Variants in BFSP1 observed in about 807,000 individuals in gnomAD.
BFSP1 encodes the protein filensin.
A neutral mutation model predicts 43.9 loss-of-function variants in BFSP1; 38 were observed. The observed-to-expected ratio is 0.87, with a 90% CI of 0.67 to 1.14. The LOEUF is 1.14. Ranked by LOEUF, BFSP1 falls within the 50% of genes most tolerant of loss-of-function variation. BFSP1 has a pLI of 0.00. For missense variants in BFSP1, 850 were observed against 875.1 expected, an observed-to-expected ratio of 0.97 and a Z score of 0.36; for synonymous variants, 352 against 354.8, an observed-to-expected ratio of 0.99 and a Z score of 0.09.
chr20:17,508,946 C>T lies in BFSP1; in HGVS notation c.678G>A (p.Glu226=), dbSNP rs2034009282. ...REVAALRSQL[E]EGREVLSHLQ... ...GGTGGGAGAGCACCTCCCGGCCCTC[C>T]TCCAGCTGACTCCGCAGGGCGGCCA... Residue 226 remains glutamate (E), a synonymous_variant, in exon 5 of 8, where the codon GAG becomes GAA. Transcript: ENST00000377873. 4 of 1,604,776 alleles carry T rather than the reference C, an allele frequency of 2.5e-6. No homozygotes were observed. The highest frequency in any genetic ancestry group is 1.7e-5 in the Admixed American group (1 of 58,760).
intron 5 of BFSP1, among the ~76,000 whole-genome samples, chr20:17,504,943 TA>T (rs35319868): frequency 0.16 from 22,799 of 139,224 alleles, 2,483 homozygotes; most frequent in African/African-American, 0.33. Context: ...TGTTTTGTCT[TA>T]AAAAAAAAAA....
In BFSP1 at chr20:17,499,006, T is replaced by A; in HGVS notation, c.770A>T (p.His257Leu). ...TTLEQAIKSA[H>L]ECYDDEIQLY... ...CTGAATCTCATCGTCATAACACTCA[T>A]GGGCACTTTTAATAGCTTGTTCCAG... The change falls in exon 6 of 8, where the codon CAT becomes CTT. Residue 257 changes from histidine to leucine, a missense_variant. His to Leu is a moderately conservative substitution (Grantham distance 99, BLOSUM62 -3). Transcript: ENST00000377873. 6.2e-7 allele frequency: 1 copy of A among 1,614,176 alleles called. No individual in the cohort carries two copies. The highest frequency in any genetic ancestry group is 1.1e-5 in the South Asian group (1 of 91,080).
At chr20:17,504,993 C>T (rs73253996) in intron 5 of BFSP1, among the ~76,000 whole-genome samples, 6,536 of 150,564 alleles carry the variant, frequency 0.043, 482 homozygotes, top group African/African-American at 0.15. Context: ...ACAAACTAAA[C>T]CACTAGATGG....
chr20:17,497,031 A>C lies in BFSP1; in HGVS notation c.957-8T>G. 4.6e-6 allele frequency: 7 copies of C among 1,522,334 alleles called. No homozygotes were observed. Among genetic ancestry groups the C allele is most frequent in the Non-Finnish European group, 5.3e-6 (6 of 1,134,282 alleles). The allele number at this position is 1,522,334 out of a possible 1,614,324, so 94.3% of individuals were successfully genotyped here. On this transcript the variant is annotated splice_region_variant and splice_polypyrimidine_tract_variant and intron_variant, in intron 6 of 7. Coordinates refer to ENST00000377873, the MANE Select transcript of BFSP1 (RefSeq NM_001195.5). ...ATGAAGGCAGAGGTCAGCCTGGCAG[A>C]AAGAACCAGAAAGAACAAGCCAAAC...
intron 6 of BFSP1, among the ~76,000 whole-genome samples, chr20:17,497,575 TATATAC>T (rs76631434): frequency 0.45 from 41,655 of 92,056 alleles, 6,276 homozygotes; most frequent in Middle Eastern, 0.5. Context: ...TGTATATGTA[TATATAC>T]GTATATATAT....
At position 17,521,324 on chromosome 20, in the gene BFSP1, C is replaced by T. The variant is rs184302715; in HGVS notation, c.438+3524G>A. ...AAACTACAGGAGCTCTTTCCGTAGG[C>T]TTGATTACACGGGCAGCATGAAGAA... On this transcript the variant is annotated intron_variant, in intron 2 of 7. Coordinates refer to ENST00000377873, the MANE Select transcript of BFSP1 (RefSeq NM_001195.5). 7.5e-3 allele frequency among the ~76,000 whole-genome samples: 1,149 copies of T among 152,318 alleles called. 7 individuals are homozygous for T. Among genetic ancestry groups the T allele is most frequent in the South Asian group, 0.015 (73 of 4,824 alleles).
intron 5 of BFSP1, among the ~76,000 whole-genome samples, chr20:17,499,992 T>C (rs2033757081): frequency 6.6e-6 from 1 of 151,868 alleles, no homozygotes; most frequent in South Asian, 2.1e-4. Flanking sequence ...TTCTTCAGAC[T>C]TTAATGAACA....
intron 1 of BFSP1, among the ~76,000 whole-genome samples, chr20:17,542,163 G>C (rs2034728296): frequency 2.0e-5 from 3 of 152,088 alleles, no homozygotes; most frequent in African/African-American, 7.2e-5. Flanking sequence ...TAGATCATGA[G>C]AGCCAATTGC....
At chr20:17,495,819 T>A (rs1377701580) in intron 7 of BFSP1, among the ~76,000 whole-genome samples, 1 of 152,160 alleles carries the variant, frequency 6.6e-6, no homozygotes, top group Non-Finnish European at 1.5e-5. Context: ...AGCCCAAAAG[T>A]CATCCCCTGC....
At chr20:17,543,738 A>G (rs1224700384) in intron 1 of BFSP1, among the ~76,000 whole-genome samples, 2 of 152,030 alleles carry the variant, frequency 1.3e-5, no homozygotes, top group Admixed American at 1.3e-4. Context: ...CAGTGAAGAT[A>G]TGCGAAGCAA....
At chr20:17,516,327 CA>C (rs544511814) in intron 2 of BFSP1, among the ~76,000 whole-genome samples, 2 of 151,734 alleles carry the variant, frequency 1.3e-5, no homozygotes, top group Admixed American at 6.6e-5. Flanking sequence ...AACTCCATCT[CA>C]AAAAAAATTA....
intron 6 of BFSP1, among the ~76,000 whole-genome samples, chr20:17,497,566 GT>G (rs1568679566): frequency 8.5e-6 from 1 of 118,232 alleles, no homozygotes; most frequent in African/African-American, 2.8e-5. Flanking sequence ...ATATGTGTGT[GT>G]ATATGTATAT....
chr20:17,502,608 G>A (rs2269041), intron 5 of BFSP1, among the ~76,000 whole-genome samples: 2,983 of 152,272 alleles, frequency 0.02, 41 homozygotes, highest in East Asian at 0.05. Flanking sequence ...TCATCGGCCC[G>A]TGGTTTTGTG....
At position 17,498,852 on chromosome 20, in the gene BFSP1, C is replaced by T. The variant is rs1363697592; in HGVS notation, c.924G>A (p.Arg308=). 1 of 1,613,468 alleles carries T rather than the reference C, an allele frequency of 6.2e-7. No homozygotes were observed. Among genetic ancestry groups the T allele is most frequent in the South Asian group, 1.1e-5 (1 of 91,034 alleles). The change falls in exon 6 of 8, where the codon CGG becomes CGA. Residue 308 remains arginine, a synonymous_variant. Coordinates refer to ENST00000377873, the MANE Select transcript of BFSP1 (RefSeq NM_001195.5). ...AQQTLKNELD[R]YHRIIEIEGN... is the part of the protein sequence containing the mutation. ...CTTCAATCTCGATGATACGATGATACCGGTCCAGCTCATTCTTCAGGGTTT... is the reference window on the plus strand; with the variant it reads ...CTTCAATCTCGATGATACGATGATATCGGTCCAGCTCATTCTTCAGGGTTT...
intron 1 of BFSP1, among the ~76,000 whole-genome samples, chr20:17,554,380 C>A (rs901454121): frequency 6.6e-6 from 1 of 152,036 alleles, no homozygotes; most frequent in Non-Finnish European, 1.5e-5. Context: ...ATGTAAAGAT[C>A]CTAAGTAAAT....
At chr20:17,523,460 C>T (rs938408212) in intron 2 of BFSP1, among the ~76,000 whole-genome samples, 7 of 151,938 alleles carry the variant, frequency 4.6e-5, no homozygotes, top group Admixed American at 1.3e-4. Flanking sequence ...TTGCACAAAA[C>T]AGAAGAATGG....
Position 17,494,534 on chromosome 20 carries a change from G to A in BFSP1, c.1538C>T (p.Ser513Phe). Residue 513 changes from serine (S) to phenylalanine (F), a missense_variant, in exon 8 of 8, where the codon TCT (serine) becomes TTT (phenylalanine). Physicochemically the swap from Ser to Phe is radical, Grantham distance 155. Transcript: ENST00000377873. ...SVLYDGQVEPSPESPKPPLEN... is the reference protein window; with the variant it reads ...SVLYDGQVEPFPESPKPPLEN... Reference sequence around the variant, plus strand: ...TAAAGGGGGCTTGGGTGACTCAGGAGAGGGCTCCACCTGGCCGTCATAAAG... The same window carrying A: ...TAAAGGGGGCTTGGGTGACTCAGGAAAGGGCTCCACCTGGCCGTCATAAAG... 1 of 1,614,220 alleles carries A rather than the reference G, an allele frequency of 6.2e-7. No individual in the cohort carries two copies. Among genetic ancestry groups the A allele is most frequent in the Non-Finnish European group, 8.5e-7 (1 of 1,180,036 alleles).
At position 17,525,938 on chromosome 20, in the gene BFSP1, A is replaced by G. The variant is rs1396228143; in HGVS notation, c.378-1030T>C. On this transcript the variant is annotated intron_variant, in intron 1 of 7. Coordinates refer to ENST00000377873, the MANE Select transcript of BFSP1 (RefSeq NM_001195.5). The surrounding 1 kb of genome is among the most constrained non-coding windows in gnomAD (Gnocchi z 4.2). ...GGTGTATGTGTGCCCTTTGCTTCTCATTTTCCATCCCTCCCTCCATCCTGC... is the reference window on the plus strand; with the variant it reads ...GGTGTATGTGTGCCCTTTGCTTCTCGTTTTCCATCCCTCCCTCCATCCTGC... 6.6e-6 allele frequency among the ~76,000 whole-genome samples: 1 copy of G among 151,658 alleles called. No individual in the cohort carries two copies. The highest frequency in any genetic ancestry group is 1.5e-5 in the Non-Finnish European group (1 of 67,966).
At chr20:17,554,156 G>T (rs1453604715) in intron 1 of BFSP1, among the ~76,000 whole-genome samples, 1 of 151,940 alleles carries the variant, frequency 6.6e-6, no homozygotes, top group Admixed American at 6.6e-5. Flanking sequence ...TTAGTTTAAG[G>T]CTGACTTTGT....
Sources: gnomAD v4.1 joint callset for allele counts (sites outside exome capture counted in the v4.1 genomes callset) on GRCh38, gnomAD v4.1.1 for gene constraint, Gnocchi (gnomAD v3.1) non-coding constraint, MANE v1.5 for transcripts, NCBI Gene and HGNC (gene_info 2026-07-23, HGNC 2026-07-21) for gene names.